Variants in KAZN observed in about 807,000 individuals in gnomAD.
The protein encoded by KAZN is kazrin, periplakin interacting protein.
Under a neutral mutation model 87.4 loss-of-function variants are expected in KAZN, and 40 were observed. That is an observed-to-expected ratio of 0.46 (90% confidence interval 0.36 to 0.60). The LOEUF is 0.60. KAZN is among the 20% of genes least tolerant of loss of function. The pLI, the probability that KAZN is intolerant of heterozygous loss-of-function variation, is 0.00. For missense variants in KAZN, 898 were observed against 1,073.9 expected, an observed-to-expected ratio of 0.84 and a Z score of 2.29; for synonymous variants, 466 against 458.3, an observed-to-expected ratio of 1.02 and a Z score of -0.22.
intron 2 of KAZN, among the ~76,000 whole-genome samples, chr1:14,585,910 C>G (rs1213971705): frequency 3.9e-5 from 6 of 152,176 alleles, no homozygotes; most frequent in African/African-American, 1.4e-4. Context: ...CAGCTGAACC[C>G]CAACACCTTC....
At chr1:14,189,392 A>G (rs1010207090) in intron 2 of KAZN, among the ~76,000 whole-genome samples, 8 of 152,178 alleles carry the variant, frequency 5.3e-5, no homozygotes, top group Non-Finnish European at 8.8e-5. Flanking sequence ...CATGGCATAG[A>G]TTTGTATCCG....
intron 1 of KAZN, among the ~76,000 whole-genome samples, chr1:14,910,064 T>A (rs201049201): frequency 4.6e-4 from 38 of 82,234 alleles, no homozygotes; most frequent in South Asian, 1.1e-3. Context: ...AAATAAATAA[T>A]GAATGAATGA....
chr1:14,755,199 G>A (rs921977720), intron 1 of KAZN, among the ~76,000 whole-genome samples: 1 of 152,074 alleles, frequency 6.6e-6, no homozygotes, highest in African/African-American at 2.4e-5. Context: ...GTTGCAGTGA[G>A]CCAAGACTGT....
intron 1 of KAZN, among the ~76,000 whole-genome samples, chr1:13,980,465 C>T (rs35774750): frequency 0.14 from 20,925 of 151,874 alleles, 1,574 homozygotes; most frequent in Middle Eastern, 0.2. Flanking sequence ...TACTAACCAA[C>T]AGAAAATGGT....
intron 4 of KAZN, among the ~76,000 whole-genome samples, chr1:15,049,297 C>G (rs1047475627): frequency 6.6e-6 from 1 of 152,216 alleles, no homozygotes; most frequent in Non-Finnish European, 1.5e-5. Context: ...ACACGGACCT[C>G]GCTGCTGACG....
intron 2 of KAZN, among the ~76,000 whole-genome samples, chr1:14,484,367 AT>A (rs1302443297): frequency 4.5e-4 from 68 of 152,348 alleles, no homozygotes; most frequent in African/African-American, 1.5e-3. Context: ...CCAAAAAAAA[AT>A]ATGTGAGGTA....
intron 4 of KAZN, among the ~76,000 whole-genome samples, chr1:15,046,178 A>G (rs943633783): frequency 2.0e-5 from 3 of 151,766 alleles, no homozygotes; most frequent in Non-Finnish European, 2.9e-5. Flanking sequence ...GATGCCTGTA[A>G]TCCCAGTTAC....
intron 1 of KAZN, among the ~76,000 whole-genome samples, chr1:14,025,154 C>T (rs1036103630): frequency 6.6e-6 from 1 of 152,162 alleles, no homozygotes; most frequent in Non-Finnish European, 1.5e-5. Flanking sequence ...ACATTTTTTG[C>T]ATCTGAATTT....
chr1:14,648,776 C>G (rs566443782), intron 1 of KAZN, among the ~76,000 whole-genome samples: 1 of 152,306 alleles, frequency 6.6e-6, no homozygotes, highest in East Asian at 1.9e-4. Context: ...ATAGTGCTCA[C>G]TAATGTAGTT....
At chr1:14,914,607 T>C (rs1260612746) in intron 1 of KAZN, among the ~76,000 whole-genome samples, 4 of 152,210 alleles carry the variant, frequency 2.6e-5, no homozygotes, top group African/African-American at 7.2e-5. Flanking sequence ...AGCAAGAATC[T>C]GGAAGCAGTT....
chr1:14,672,835 G>A (rs1247512614), intron 1 of KAZN, among the ~76,000 whole-genome samples: 2 of 152,176 alleles, frequency 1.3e-5, no homozygotes, highest in African/African-American at 4.8e-5. Flanking sequence ...CTAAGCTGCT[G>A]TCACTGCTGT....
At chr1:13,922,355 C>T (rs1640101852) in intron 1 of KAZN, among the ~76,000 whole-genome samples, 1 of 152,174 alleles carries the variant, frequency 6.6e-6, no homozygotes, top group African/African-American at 2.4e-5. Flanking sequence ...ATCCCCTGGC[C>T]TCTAACATAG....
chr1:14,252,350 A>G (rs889896402), intron 2 of KAZN, among the ~76,000 whole-genome samples: 1 of 152,164 alleles, frequency 6.6e-6, no homozygotes, highest in African/African-American at 2.4e-5. Flanking sequence ...TCTTATTATC[A>G]TGGCTTTAAT....
At chr1:14,186,513 G>T (rs144148150) in intron 2 of KAZN, among the ~76,000 whole-genome samples, 1 of 152,016 alleles carries the variant, frequency 6.6e-6, no homozygotes, top group Non-Finnish European at 1.5e-5. Context: ...TTGTTTCAGC[G>T]TGCTGTGGTT....
At chr1:14,859,687 A>G (rs751433819) in intron 1 of KAZN, among the ~76,000 whole-genome samples, 27 of 152,138 alleles carry the variant, frequency 1.8e-4, no homozygotes, top group Non-Finnish European at 3.1e-4. Context: ...TTATCTGTCA[A>G]TGTCTTTTCT....
chr1:14,285,553 AT>A (rs1392482398), intron 2 of KAZN, among the ~76,000 whole-genome samples: 3 of 152,144 alleles, frequency 2.0e-5, no homozygotes, highest in South Asian at 4.2e-4. Flanking sequence ...ACAGTTGTGT[AT>A]TTCCTGTGGA....
intron 2 of KAZN, among the ~76,000 whole-genome samples, chr1:14,485,096 A>G (rs1669277899): frequency 6.6e-6 from 1 of 152,198 alleles, no homozygotes; most frequent in Non-Finnish European, 1.5e-5. Context: ...CACGTATCCA[A>G]AAGAACTTGC....
At chr1:14,012,298 C>A (rs1640350671) in intron 1 of KAZN, among the ~76,000 whole-genome samples, 1 of 152,182 alleles carries the variant, frequency 6.6e-6, no homozygotes, top group African/African-American at 2.4e-5. Flanking sequence ...CCACCTGAAC[C>A]AGTGTGCAAC....
chr1:14,417,476 A>G (rs4573512), intron 2 of KAZN, among the ~76,000 whole-genome samples: 65,315 of 152,000 alleles, frequency 0.43, 14,428 homozygotes, highest in African/African-American at 0.49. Context: ...TCAGCTGCTC[A>G]GTCTACAATG....
Sources: gnomAD v4.1 joint callset for allele counts (sites outside exome capture counted in the v4.1 genomes callset) on GRCh38, gnomAD v4.1.1 for gene constraint, MANE v1.5 for transcripts, NCBI Gene and HGNC (gene_info 2026-07-23, HGNC 2026-07-21) for gene names.